Variants in OPLAH observed in about 807,000 individuals in gnomAD.
OPLAH encodes the protein 5-oxoprolinase.
In OPLAH, 103 loss-of-function variants were observed where a neutral mutation model predicts 122.8. That is an observed-to-expected ratio of 0.84 (90% CI 0.71 to 0.99). OPLAH has a LOEUF of 0.99. Ranked by LOEUF, OPLAH falls within the 50% of genes least tolerant of loss-of-function variation. The pLI is 0.00. For synonymous variants in OPLAH, 875 were observed against 796.0 expected (o/e 1.10, Z -1.67); for missense variants, 1,902 against 1,836.5 (o/e 1.04, Z -0.65).
At position 144,055,979 on chromosome 8, in the gene OPLAH, C is replaced by G. The variant is rs373182439; in HGVS notation, c.2097-40G>C. The G allele has an allele frequency of 9.9e-6, 15 of 1,513,912 alleles. No individual in the cohort carries two copies. The highest frequency in any genetic ancestry group is 3.8e-4 in the Middle Eastern group (2 of 5,206). 93.8% of individuals were successfully genotyped at this position (1,513,912 alleles called of 1,614,324 possible). ...GCACAGAGGGCTGCATGGGGCCAGG[C>G]GACACCCCTCCAACCAGAGATGCCA... On this transcript the variant is annotated intron_variant, in intron 15 of 26. Coordinates refer to ENST00000618853, the MANE Select transcript of OPLAH (RefSeq NM_017570.5). The surrounding 1 kb of genome is among the most constrained non-coding windows in gnomAD (Gnocchi z 6.5).
chr8:144,057,182 C>T, intron 11 of OPLAH, 26 bp downstream of exon 11: 1 of 1,606,192 alleles, frequency 6.2e-7, no homozygotes, highest in Admixed American at 1.7e-5. Context: ...ATCACACCAC[C>T]TCCGTGCACC....
chr8:144,058,190 G>T (rs782635563), intron 7 of OPLAH, 42 bp from the exon 8 acceptor site: 2 of 1,606,492 alleles, frequency 1.2e-6, no homozygotes, highest in East Asian at 2.2e-5. Flanking sequence ...GAAGACCCAG[G>T]GGCCCAGCAG....
At position 144,051,279 on chromosome 8, in the gene OPLAH, T is replaced by C. The variant is rs28475718; in HGVS notation, c.*47A>G. 53,074 of 1,605,162 alleles carry C rather than the reference T, an allele frequency of 0.033. 10,308 individuals carry two copies. In the African/African-American group the frequency reaches 0.51, roughly 16 times the overall value. ...CGGAGCACGAACTAGGCGCCGTAGC[T>C]GCGTCCCCAGAACCGGGAGACTTAA... On this transcript the variant is annotated 3_prime_UTR_variant, in exon 27 of 27. Coordinates refer to ENST00000618853, the MANE Select transcript of OPLAH (RefSeq NM_017570.5).
Position 144,051,334 on chromosome 8 carries a change from C to A in OPLAH, c.3859G>T (p.Ala1287Ser). 4 of 1,611,686 alleles carry A rather than the reference C, an allele frequency of 2.5e-6. No homozygotes were observed. The highest frequency in any genetic ancestry group is 1.7e-4 in the Middle Eastern group (1 of 6,044). ...TCTTTATTGCGGGATCCTCACACGG[C>A]CTCCTGGGCCCGGCGATACTCATAG... ...SVYEYRRAQE[A>S]V Residue 1287 changes from alanine to serine, a missense_variant, in exon 27 of 27, where the codon GCC becomes TCC. Around this residue, in one of 3 missense-constraint regions of OPLAH, gnomAD observed 1,726 missense variants for 1,642.1 expected, o/e 1.05. Coordinates refer to ENST00000618853, the MANE Select transcript of OPLAH (RefSeq NM_017570.5).
chr8:144,056,278 A>C lies in OPLAH; in HGVS notation c.1984-19T>G, dbSNP rs1554759037. 6.2e-7 allele frequency: 1 copy of C among 1,603,722 alleles called. No individual in the cohort carries two copies. Among genetic ancestry groups the C allele is most frequent in the Admixed American group, 1.7e-5 (1 of 59,826 alleles). On this transcript the variant is annotated intron_variant, in intron 14 of 26. Coordinates refer to ENST00000618853, the MANE Select transcript of OPLAH (RefSeq NM_017570.5). Reference sequence around the variant, plus strand: ...GGGTCATCTGCAGAGGGTGCGGGTGAGTACAGCGCCCGGGCCCAGCACCCT... The same window carrying C: ...GGGTCATCTGCAGAGGGTGCGGGTGCGTACAGCGCCCGGGCCCAGCACCCT...
At position 144,056,991 on chromosome 8, in the gene OPLAH, C is replaced by T. The variant is rs782293233; in HGVS notation, c.1663G>A (p.Glu555Lys). ...TGCAGAGCATCCACACACTGCTCCT[C>T]CAGGCGGCTCAGCCTCTGGTCCAGC... Reference protein sequence around the residue: ...VQLDQRLSRLEEQCVDALQAQ... With the variant: ...VQLDQRLSRLKEQCVDALQAQ... The change falls in exon 12 of 27, where the codon GAG (glutamate) becomes AAG (lysine). Residue 555 changes from glutamate to lysine, a missense_variant. By Grantham distance (56) the Glu-to-Lys change is moderately conservative. Transcript: ENST00000618853. The T allele has an allele frequency of 3.1e-6, 5 of 1,589,086 alleles. No homozygotes were observed. In the South Asian group the frequency reaches 5.7e-5, roughly 18 times the overall value.
In OPLAH at chr8:144,057,988, C is replaced by G. The variant is rs1835566970; in HGVS notation, c.1088+22G>C. 2.5e-6 allele frequency: 4 copies of G among 1,612,106 alleles called. No homozygotes were observed. In the East Asian group the frequency reaches 6.7e-5, roughly 27 times the overall value. On this transcript the variant is annotated intron_variant, in intron 8 of 26. Transcript: ENST00000618853. ...GAGGGAGACAGGGCTGGGGTCCCAG[C>G]CTGGGAAGCAGGAGAGCTGACCTGA...
In OPLAH at chr8:144,053,006, G is replaced by C. The variant is rs1471350813; in HGVS notation, c.2995C>G (p.Arg999Gly). The C allele has an allele frequency of 1.2e-5, 20 of 1,602,862 alleles. No homozygotes were observed. Among genetic ancestry groups the C allele is most frequent in the Non-Finnish European group, 1.7e-5 (20 of 1,175,702 alleles). Residue 999 changes from arginine (R) to glycine (G), a missense_variant, in exon 21 of 27, where the codon CGT becomes GGT. By Grantham distance (125) the Arg-to-Gly change is moderately radical. Transcript: ENST00000618853. ...HMDDGSPIRL[R>G]VQISLSQGSA... ...ACCTGACTCAGGCTGATCTGCACAC[G>C]GAGGCGGATGGGGGAACCGTCGTCC...
Position 144,052,059 on chromosome 8 carries a change from C to T in OPLAH, c.3479G>A (p.Arg1160His), listed in dbSNP as rs1554757807. Residue 1160 changes from arginine (R) to histidine (H), a missense_variant, in exon 25 of 27, where the codon CGC becomes CAC. Around this residue, in one of 3 missense-constraint regions of OPLAH, gnomAD observed 1,726 missense variants for 1,642.1 expected, o/e 1.05. Coordinates refer to ENST00000618853, the MANE Select transcript of OPLAH (RefSeq NM_017570.5). ...CGAGCCCCGCCGCAGCTCGAAGCGG[C>T]GCAGGATGACCGGGTACCTGCGAGG... ...ILESRYPVIL[R>H]RFELRRGSGG... The T allele has an allele frequency of 6.9e-6, 11 of 1,586,146 alleles. No individual in the cohort carries two copies. Among genetic ancestry groups the T allele is most frequent in the African/African-American group, 2.7e-5 (2 of 73,472 alleles).
Position 144,054,740 on chromosome 8 carries a change from CG to C in OPLAH, c.2512-6del, listed in dbSNP as rs782171361. On this transcript the variant is annotated splice_region_variant and splice_polypyrimidine_tract_variant and intron_variant, in intron 18 of 26. Transcript: ENST00000618853. ...CGTCTGACCCGGCCAAAACACCTAG[CG>C]GGTGGAGAGCCACGGTCAGCTGCAT... 1 of 1,612,100 alleles carries C rather than the reference CG, an allele frequency of 6.2e-7. No individual in the cohort carries two copies.
chr8:144,059,613 C>T lies in OPLAH; in HGVS notation c.349G>A (p.Asp117Asn), dbSNP rs370113675. 4 of 1,608,694 alleles carry T rather than the reference C, an allele frequency of 2.5e-6. No homozygotes were observed. The highest frequency in any genetic ancestry group is 1.6e-4 in the Middle Eastern group (1 of 6,068). The change falls in exon 3 of 27, where the codon GAC becomes AAC. Residue 117 changes from aspartate to asparagine, a missense_variant. Coordinates refer to ENST00000618853, the MANE Select transcript of OPLAH (RefSeq NM_017570.5). ...ATGGAGCTCACCAGGTCAAAGAGGT[C>T]CCCACGGGCTTGGGTGCCAATGTGC... Reference protein sequence around the residue: ...LLHIGTQARGDLFDLAVPMPE... With the variant: ...LLHIGTQARGNLFDLAVPMPE...
chr8:144,061,027 T>C (rs1431243222), upstream of OPLAH, among the ~76,000 whole-genome samples: 1 of 152,134 alleles, frequency 6.6e-6, no homozygotes, highest in Non-Finnish European at 1.5e-5. Flanking sequence ...GGAGGGGGCG[T>C]TGAAGGACAG....
chr8:144,050,787 TCCCCCAGGGA>T (rs1835354381), downstream of OPLAH: 1 of 986,524 alleles, frequency 1.0e-6, no homozygotes, highest in African/African-American at 1.7e-5. Flanking sequence ...CTCCCCCGGA[TCCCCCAGGGA>T]CCGCGCTGAG....
chr8:144,053,440 AC>A, intron 19 of OPLAH, 47 bp from the exon 20 acceptor site: 1 of 1,535,732 alleles, frequency 6.5e-7, no homozygotes, highest in Non-Finnish European at 8.8e-7. Flanking sequence ...CCCTGTCTGC[AC>A]CCCCAACCCA....
At position 144,057,542 on chromosome 8, in the gene OPLAH, C is replaced by A. The variant is rs1554759620; in HGVS notation, c.1328G>T (p.Cys443Phe). Residue 443 changes from cysteine (C) to phenylalanine (F), a missense_variant, in exon 10 of 27, where the codon TGC becomes TTC. Physicochemically the swap from Cys to Phe is radical, Grantham distance 205. This residue lies in a region of OPLAH where 1,726 missense variants were observed against 1,642.1 expected (regional missense o/e 1.05). Coordinates refer to ENST00000618853, the MANE Select transcript of OPLAH (RefSeq NM_017570.5). ...EVNSFLTNGP[C>F]PASPLSLEEV... Reference sequence around the variant, plus strand: ...CTCCAGGCTCAGCGGGGAGGCCGGGCAGGGCCCGTTGGTCAGGAAGCTGTT... The same window carrying A: ...CTCCAGGCTCAGCGGGGAGGCCGGGAAGGGCCCGTTGGTCAGGAAGCTGTT... 6.3e-7 allele frequency: 1 copy of A among 1,592,598 alleles called. No homozygotes were observed. The highest frequency in any genetic ancestry group is 1.3e-5 in the African/African-American group (1 of 74,540).
chr8:144,050,361 T>A, downstream of OPLAH: 1 of 971,508 alleles, frequency 1.0e-6, no homozygotes, highest in Non-Finnish European at 1.2e-6. Context: ...CCGAGAAGTT[T>A]GGGGCCGAGA....
At position 144,052,022 on chromosome 8, in the gene OPLAH, G is replaced by T. The variant is rs781879072; in HGVS notation, c.3516C>A (p.Gly1172=). The T allele has an allele frequency of 9.1e-5, 145 of 1,590,224 alleles. No homozygotes were observed. The highest frequency in any genetic ancestry group is 1.2e-4 in the Non-Finnish European group (139 of 1,176,424). ...TGACGCCGTCGCCGCCTCGGAAGCG[G>T]CCTCTGCCCCCCGAGCCCCGCCGCA... is the stretch of plus-strand genomic sequence containing the variant. ...FELRRGSGGR[G]RFRGGDGVTR... Residue 1172 remains glycine (G), a synonymous_variant, in exon 25 of 27, where the codon GGC becomes GGA. Transcript: ENST00000618853.
chr8:144,050,443 GAT>G (rs1835346998), downstream of OPLAH: 1 of 985,646 alleles, frequency 1.0e-6, no homozygotes, highest in Non-Finnish European at 1.2e-6. Flanking sequence ...CCTAAACTTC[GAT>G]AACTGCTGGA....
chr8:144,054,970 TG>T (rs371475686), intron 17 of OPLAH, 57 bp from the exon 18 acceptor site: 42,291 of 218,744 alleles, frequency 0.19, 634 homozygotes, highest in African/African-American at 0.36. Flanking sequence ...CAGAGCGGGG[TG>T]GGGGGGGGGT....
Sources: allele counts gnomAD v4.1 joint callset (sites outside exome capture counted in the v4.1 genomes callset), GRCh38; gene constraint gnomAD v4.1.1; regional missense constraint gnomAD v4.1.1; non-coding constraint Gnocchi (gnomAD v3.1); transcripts MANE v1.5; gene names NCBI Gene and HGNC (gene_info 2026-07-23, HGNC 2026-07-21).